SH2D3C: variants seen among roughly 807,000 people sequenced by gnomAD.
SH2D3C encodes the protein SH2 domain-containing protein 3C.
Under a neutral mutation model 75.2 loss-of-function variants are expected in SH2D3C, and 25 were observed. That is an observed-to-expected ratio of 0.33 (90% confidence interval 0.24 to 0.46). The LOEUF (loss-of-function observed/expected upper bound fraction) is 0.46, where lower values mean the gene tolerates loss of function less well. Among genes scored for constraint, SH2D3C ranks in the 20% least tolerant of loss-of-function variants. SH2D3C has a pLI of 1.00. For synonymous variants in SH2D3C, 450 were observed against 473.7 expected (o/e 0.95, Z 0.65); for missense variants, 933 against 1,165.3 (o/e 0.80, Z 2.90).
intron 2 of SH2D3C, among the ~76,000 whole-genome samples, chr9:127,764,571 C>G (rs1845597430): frequency 6.6e-6 from 1 of 152,194 alleles, no homozygotes; most frequent in South Asian, 2.1e-4. Flanking sequence ...CCATGGCCCA[C>G]CACACTCCCC....
intron 2 of SH2D3C, among the ~76,000 whole-genome samples, chr9:127,765,313 G>A (rs1362472443): frequency 2.0e-5 from 3 of 152,258 alleles, no homozygotes; most frequent in East Asian, 1.9e-4. Flanking sequence ...GACTTAGCAC[G>A]CATTTCCTCT....
At chr9:127,747,091 A>C in intron 6 of SH2D3C, 56 bp downstream of exon 6, 4 of 1,580,674 alleles carry the variant, frequency 2.5e-6, no homozygotes, top group Non-Finnish European at 8.6e-7. Context: ...CATAGGTGAC[A>C]GAAGTCTTCA....
chr9:127,776,556 C>A (rs1018107929), intron 1 of SH2D3C, among the ~76,000 whole-genome samples: 4 of 152,202 alleles, frequency 2.6e-5, no homozygotes, highest in African/African-American at 9.7e-5. Flanking sequence ...TCCCTTCTCA[C>A]AGCCACCACC....
chr9:127,740,982 T>A (rs1429925061), intron 9 of SH2D3C, among the ~76,000 whole-genome samples: 1 of 151,540 alleles, frequency 6.6e-6, no homozygotes, highest in Non-Finnish European at 1.5e-5. Context: ...CGCCTGGCTG[T>A]TGTTATTTAT....
chr9:127,750,876 G>T (rs1249368587), intron 4 of SH2D3C, among the ~76,000 whole-genome samples: 1 of 152,182 alleles, frequency 6.6e-6, no homozygotes, highest in Non-Finnish European at 1.5e-5. Context: ...ATAATAATAA[G>T]AACAAAGGCC....
At chr9:127,777,892 C>G (rs562236173) in intron 1 of SH2D3C, among the ~76,000 whole-genome samples, 5 of 151,596 alleles carry the variant, frequency 3.3e-5, no homozygotes, top group African/African-American at 1.2e-4. Flanking sequence ...ACAGGAGGAT[C>G]GCTTGAGCCC....
chr9:127,773,917 C>CAAAAAAAAAAAAAAAAAAAAAAAAAAA, intron 2 of SH2D3C, 73 bp downstream of exon 2: 1 of 564,568 alleles, frequency 1.8e-6, no homozygotes, highest in Non-Finnish European at 2.7e-6. Context: ...CACTCTGTGT[C>CAAAAAAAAAAAAAAAAAAAAAAAAAAA]AAAAAAAAAA....
Position 127,751,140 on chromosome 9 carries a change from C to A in SH2D3C, c.684+32G>T. The A allele has an allele frequency of 6.2e-7, 1 of 1,611,034 alleles. No homozygotes were observed. Among genetic ancestry groups the A allele is most frequent in the Non-Finnish European group, 8.5e-7 (1 of 1,179,208 alleles). On this transcript the variant is annotated intron_variant, in intron 4 of 11. Coordinates refer to ENST00000314830, the MANE Select transcript of SH2D3C (RefSeq NM_170600.3). This position sits in a 1 kb window ranked among gnomAD's most constrained non-coding sequence, Gnocchi z 4.1. Reference sequence around the variant, plus strand: ...GGCCAAGGCAGTGGGTGGGAGGGTCCCGGGTTGAAGTCCAGCTCGGGGCCT... The same window carrying A: ...GGCCAAGGCAGTGGGTGGGAGGGTCACGGGTTGAAGTCCAGCTCGGGGCCT...
intron 6 of SH2D3C, among the ~76,000 whole-genome samples, chr9:127,746,572 G>A (rs565758102): frequency 2.0e-5 from 3 of 152,344 alleles, no homozygotes; most frequent in Admixed American, 2.0e-4. Flanking sequence ...GGAGGCTGAG[G>A]CGGGTGGATC....
At chr9:127,742,330 G>A (rs1844888095) in intron 8 of SH2D3C, among the ~76,000 whole-genome samples, 1 of 152,226 alleles carries the variant, frequency 6.6e-6, no homozygotes, top group African/African-American at 2.4e-5. Flanking sequence ...TCCGCCTCCT[G>A]GGTTTAAGCG....
At chr9:127,756,649 T>G (rs1845386830) in intron 3 of SH2D3C, among the ~76,000 whole-genome samples, 1 of 146,726 alleles carries the variant, frequency 6.8e-6, no homozygotes, top group South Asian at 2.2e-4. Flanking sequence ...GCTTTTTTTT[T>G]TTTTTTTTTT....
chr9:127,755,281 T>A, intron 3 of SH2D3C: 1 of 666,670 alleles, frequency 1.5e-6, no homozygotes, highest in Non-Finnish European at 1.8e-6. Flanking sequence ...GATTACCTCA[T>A]CGCCTTGTCG....
chr9:127,749,156 T>C lies in SH2D3C; in HGVS notation c.1139+55A>G. 1 of 1,285,306 alleles carries C rather than the reference T, an allele frequency of 7.8e-7. No homozygotes were observed. The highest frequency in any genetic ancestry group is 1.1e-6 in the Non-Finnish European group (1 of 930,506). The allele number at this position is 1,285,306 out of a possible 1,614,324, so 79.6% of individuals were successfully genotyped here. On this transcript the variant is annotated intron_variant, in intron 5 of 11. Transcript: ENST00000314830. This position sits in a 1 kb window ranked among gnomAD's most constrained non-coding sequence, Gnocchi z 5.9. ...TCAGTGTACCTAGGCCTTCTCTTTCTCACTAGCCCTCTCATTACCCACAAC... is the reference window on the plus strand; with the variant it reads ...TCAGTGTACCTAGGCCTTCTCTTTCCCACTAGCCCTCTCATTACCCACAAC...
At position 127,761,628 on chromosome 9, in the gene SH2D3C, C is replaced by T. The variant is rs754055457; in HGVS notation, c.538G>A (p.Gly180Ser). Reference protein sequence around the residue: ...SERAAGEPEAGSDYVKFSKEK... With the variant: ...SERAAGEPEASSDYVKFSKEK... ...CCTCCTACCTTCACATAGTCGCTGC[C>T]AGCCTCTGGCTCTCCAGCAGCCCTG... is the stretch of plus-strand genomic sequence containing the variant. Residue 180 changes from glycine to serine, a missense_variant, in exon 3 of 12, where the codon GGC becomes AGC. Coordinates refer to ENST00000314830, the MANE Select transcript of SH2D3C (RefSeq NM_170600.3). 1.6e-5 allele frequency: 25 copies of T among 1,612,358 alleles called. No individual in the cohort carries two copies. The highest frequency in any genetic ancestry group is 1.0e-4 in the Admixed American group (6 of 59,840).
At chr9:127,755,548 G>T (rs1845357962) in intron 3 of SH2D3C, among the ~76,000 whole-genome samples, 1 of 152,200 alleles carries the variant, frequency 6.6e-6, no homozygotes, top group African/African-American at 2.4e-5. Context: ...CCCACTCGCC[G>T]CACCTCTAAC....
intron 7 of SH2D3C, 81 bp from the exon 8 acceptor site, chr9:127,743,045 G>C (rs1043523136): frequency 2.0e-6 from 2 of 976,574 alleles, no homozygotes; most frequent in African/African-American, 1.6e-5. Context: ...CTTTATCTAA[G>C]GGGGTAGGTA....
At chr9:127,770,878 C>T (rs1334629548) in intron 2 of SH2D3C, among the ~76,000 whole-genome samples, 2 of 152,168 alleles carry the variant, frequency 1.3e-5, no homozygotes, top group African/African-American at 4.8e-5. Context: ...GAGCATGGGC[C>T]AGGAAGCTGG....
rs77042330 is a variant in SH2D3C, at chr9:127,762,313, C to T, written c.516-663G>A. ...GGCCACCGTGAACCACTCCCCCCAC[C>T]GCATGGCCTTAAATGCTACCCCTAC... On this transcript the variant is annotated intron_variant, in intron 2 of 11. Transcript: ENST00000314830. 7,210 of 1,294,866 alleles carry T rather than the reference C, an allele frequency of 5.6e-3. 115 individuals carry two copies. Among genetic ancestry groups the T allele is most frequent in the African/African-American group, 0.048 (3,170 of 65,596 alleles). The allele number at this position is 1,294,866 out of a possible 1,614,324, so 80.2% of individuals were successfully genotyped here.
chr9:127,758,090 ACAGGTGTGAGCC>A (rs1845441038), intron 3 of SH2D3C, among the ~76,000 whole-genome samples: 1 of 152,038 alleles, frequency 6.6e-6, no homozygotes, highest in South Asian at 2.1e-4. Context: ...TGCTGGGATT[ACAGGTGTGAGCC>A]CAGGTGTGAG....
Sources: gnomAD v4.1 joint callset for allele counts (sites outside exome capture counted in the v4.1 genomes callset) on GRCh38, gnomAD v4.1.1 for gene constraint, Gnocchi (gnomAD v3.1) non-coding constraint, MANE v1.5 for transcripts, NCBI Gene and HGNC (gene_info 2026-07-23, HGNC 2026-07-21) for gene names.